Variants in KIF25 observed in about 807,000 individuals in gnomAD.
KIF25 encodes the protein kinesin family member 25.
A neutral mutation model predicts 32.9 loss-of-function variants in KIF25; 19 were observed. The ratio of observed to expected loss-of-function variants is 0.58; its 90% CI spans 0.40 to 0.85. The LOEUF (loss-of-function observed/expected upper bound fraction) is 0.85. Among genes scored for constraint, KIF25 ranks in the 40% least tolerant of loss-of-function variants. The probability of loss-of-function intolerance (pLI) is 0.00; values close to 1 mark genes in which losing one functional copy is unlikely to be tolerated. For missense variants in KIF25, 485 were observed against 507.0 expected (o/e 0.96, Z 0.42); for synonymous variants, 225 against 213.7 (o/e 1.05, Z -0.46).
At chr6:168,018,468 T>C (rs1196443298) in intron 5 of KIF25, among the ~76,000 whole-genome samples, 1 of 152,230 alleles carries the variant, frequency 6.6e-6, no homozygotes, top group African/African-American at 2.4e-5. Context: ...CAACCTACAA[T>C]GGGTTTCTCA....
At chr6:168,044,001 A>G (rs1408788770) in intron 12 of KIF25, among the ~76,000 whole-genome samples, 1 of 152,170 alleles carries the variant, frequency 6.6e-6, no homozygotes, top group Non-Finnish European at 1.5e-5. Context: ...AGGGAGATCT[A>G]GAAAGAACAG....
intron 4 of KIF25, among the ~76,000 whole-genome samples, chr6:168,012,379 C>A (rs973398812): frequency 6.6e-6 from 1 of 152,170 alleles, no homozygotes; most frequent in South Asian, 2.1e-4. Flanking sequence ...ATGGACACAG[C>A]AATGTAGTCT....
At chr6:168,032,518 G>A (rs1408513754) in intron 7 of KIF25, among the ~76,000 whole-genome samples, 1 of 152,212 alleles carries the variant, frequency 6.6e-6, no homozygotes, top group African/African-American at 2.4e-5. Flanking sequence ...TAACGCAGAG[G>A]CCTGATCAGC....
Position 168,005,837 on chromosome 6 carries a change from T to G in KIF25, c.-163+2134T>G, listed in dbSNP as rs1416884206. Among the ~76,000 whole-genome samples the G allele has an allele frequency of 2.0e-5, 3 of 152,160 alleles. No individual in the cohort carries two copies. In the East Asian group the frequency reaches 5.8e-4, roughly 29 times the overall value. ...GGCGGGTCTGCCTTTCTCACCCCAC[T>G]GACTCCAATGTTAATTTCCTTTGGC... On this transcript the variant is annotated intron_variant, in intron 4 of 12. Coordinates refer to ENST00000643607, the MANE Select transcript of KIF25 (RefSeq NM_030615.4).
chr6:168,030,782 T>C lies in KIF25; in HGVS notation c.102T>C (p.Gly34=), dbSNP rs779540288. The change falls in exon 7 of 13, where the codon GGT becomes GGC. Residue 34 remains glycine (G), a synonymous_variant. Coordinates refer to ENST00000643607, the MANE Select transcript of KIF25 (RefSeq NM_030615.4). The part of the protein sequence containing the change: ...FPDDKDLRVY[G]PAESQSAVFG... ...TCACTTTGTCTCTCAGGGTTTATGG[T>C]CCAGCAGAGTCTCAGAGCGCGGTCT... The C allele has an allele frequency of 6.2e-7, 1 of 1,612,674 alleles. No individual in the cohort carries two copies. The highest frequency in any genetic ancestry group is 1.7e-5 in the Admixed American group (1 of 59,770).
At chr6:168,030,218 T>A (rs1562388349) in intron 6 of KIF25, among the ~76,000 whole-genome samples, 1 of 152,152 alleles carries the variant, frequency 6.6e-6, no homozygotes, top group Admixed American at 6.5e-5. Flanking sequence ...GGACATCCAG[T>A]CCCATGATAT....
intron 4 of KIF25, among the ~76,000 whole-genome samples, chr6:168,004,089 T>G (rs1018182155): frequency 1.3e-5 from 2 of 152,236 alleles, no homozygotes; most frequent in Non-Finnish European, 2.9e-5. Context: ...CCTTGCTTTT[T>G]AGTTTTATCC....
intron 7 of KIF25, among the ~76,000 whole-genome samples, chr6:168,031,702 T>C (rs1402011706): frequency 2.0e-5 from 3 of 152,232 alleles, no homozygotes; most frequent in Non-Finnish European, 4.4e-5. Flanking sequence ...AGGCATCTTT[T>C]AAGTAAGCAG....
chr6:168,013,330 G>A (rs961036216), intron 4 of KIF25, among the ~76,000 whole-genome samples: 1 of 151,940 alleles, frequency 6.6e-6, no homozygotes, highest in South Asian at 2.1e-4. Flanking sequence ...TTTCCCTGCT[G>A]TGCAAGGCCG....
At chr6:168,000,888 GCT>G (rs1562378511) in intron 2 of KIF25, among the ~76,000 whole-genome samples, 2 of 152,228 alleles carry the variant, frequency 1.3e-5, no homozygotes, top group African/African-American at 4.8e-5. Flanking sequence ...GGAGGGCCTG[GCT>G]TGAGCCTCAC....
intron 10 of KIF25, among the ~76,000 whole-genome samples, chr6:168,040,495 G>A (rs1234079746): frequency 6.6e-6 from 1 of 152,072 alleles, no homozygotes; most frequent in Non-Finnish European, 1.5e-5. Flanking sequence ...GAACCCAGGA[G>A]GCAGAGGTTG....
chr6:168,028,238 A>G (rs900548864), intron 5 of KIF25, among the ~76,000 whole-genome samples: 2 of 152,190 alleles, frequency 1.3e-5, no homozygotes, highest in Admixed American at 1.3e-4. Context: ...GGATATAGAG[A>G]TGGAGTTTTG....
intron 4 of KIF25, among the ~76,000 whole-genome samples, chr6:168,005,230 T>G (rs575400327): frequency 3.3e-5 from 5 of 152,280 alleles, no homozygotes; most frequent in African/African-American, 1.2e-4. Context: ...GGGGCAAACC[T>G]TCTCCTCTAT....
At chr6:168,035,338 G>T (rs1450793698) in intron 8 of KIF25, among the ~76,000 whole-genome samples, 1 of 146,054 alleles carries the variant, frequency 6.8e-6, no homozygotes, top group Non-Finnish European at 1.5e-5. Flanking sequence ...GTGAGAGCAG[G>T]CGTCGTACAT....
intron 2 of KIF25, among the ~76,000 whole-genome samples, chr6:168,001,586 CTCGGGCAGGTGAGAAGACACCTGAGGCCG>C (rs1256763378): frequency 6.3e-5 from 6 of 94,864 alleles, no homozygotes. Flanking sequence ...GAGGCGTGGC[CTCGGGCAGGTGAGAAGACACCTGAGGCCG>C]TGGCCTCGGG....
chr6:168,020,774 C>A (rs1276555662), intron 5 of KIF25, among the ~76,000 whole-genome samples: 1 of 151,600 alleles, frequency 6.6e-6, no homozygotes, highest in Non-Finnish European at 1.5e-5. Context: ...AATCCTCAAT[C>A]AAAAATAAAT....
chr6:168,031,451 C>T (rs1472928653), intron 7 of KIF25, among the ~76,000 whole-genome samples: 1 of 152,224 alleles, frequency 6.6e-6, no homozygotes, highest in East Asian at 1.9e-4. Flanking sequence ...GCACAGCCAA[C>T]CTCAAGGAAC....
intron 4 of KIF25, among the ~76,000 whole-genome samples, chr6:168,010,087 C>T (rs547795409): frequency 2.6e-5 from 4 of 151,496 alleles, no homozygotes; most frequent in Admixed American, 2.6e-4. Context: ...TATTTATTTT[C>T]TTCTATTAAT....
intron 10 of KIF25, among the ~76,000 whole-genome samples, chr6:168,040,486 A>G (rs972228709): frequency 6.6e-6 from 1 of 152,086 alleles, no homozygotes; most frequent in African/African-American, 2.4e-5. Flanking sequence ...GAATTGCTTG[A>G]ACCCAGGAGG....
Sources: allele counts gnomAD v4.1 joint callset (sites outside exome capture counted in the v4.1 genomes callset), GRCh38; gene constraint gnomAD v4.1.1; transcripts MANE v1.5; gene names NCBI Gene and HGNC (gene_info 2026-07-23, HGNC 2026-07-21).